Variants in UBE4B observed in about 807,000 individuals in gnomAD.
UBE4B encodes the protein ubiquitination factor E4B.
UBE4B carries 27 observed loss-of-function variants against 148.1 expected under a neutral mutation model. That is an observed-to-expected ratio of 0.18 (90% CI 0.13 to 0.25). The LOEUF (loss-of-function observed/expected upper bound fraction) is 0.25, where lower values mean the gene tolerates loss of function less well. Among genes scored for constraint, UBE4B ranks in the 10% least tolerant of loss-of-function variants. The pLI, the probability that UBE4B is intolerant of heterozygous loss-of-function variation, is 1.00. For missense variants in UBE4B, 1,170 were observed against 1,662.4 expected (o/e 0.70, Z 5.15); for synonymous variants, 596 against 619.3 (o/e 0.96, Z 0.56).
At chr1:10,043,911 A>C (rs961817322) in intron 1 of UBE4B, among the ~76,000 whole-genome samples, 1 of 152,236 alleles carries the variant, frequency 6.6e-6, no homozygotes, top group African/African-American at 2.4e-5. Flanking sequence ...TTACACTTAG[A>C]TTCAGCAATG....
At chr1:10,116,211 C>T (rs1348499810) in intron 7 of UBE4B, among the ~76,000 whole-genome samples, 1 of 152,100 alleles carries the variant, frequency 6.6e-6, no homozygotes, top group East Asian at 1.9e-4. Flanking sequence ...GGCATGATCT[C>T]GGATCACTGC....
chr1:10,112,414 G>A (rs1004490648), intron 7 of UBE4B, among the ~76,000 whole-genome samples: 3 of 151,974 alleles, frequency 2.0e-5, no homozygotes, highest in Admixed American at 2.0e-4. Context: ...GTTTTGTCTT[G>A]TTTTAGACGG....
chr1:10,136,301 C>G (rs1240702154), intron 16 of UBE4B, among the ~76,000 whole-genome samples: 1 of 151,726 alleles, frequency 6.6e-6, no homozygotes, highest in Admixed American at 6.6e-5. Context: ...AAGGAAACCC[C>G]ATGTCTACAA....
At position 10,117,696 on chromosome 1, in the gene UBE4B, A is replaced by G. The variant is rs573462359; in HGVS notation, c.1338+96A>G. 4.3e-6 allele frequency: 6 copies of G among 1,397,066 alleles called. No homozygotes were observed. In the East Asian group the frequency reaches 1.3e-4, roughly 30 times the overall value. The allele number at this position is 1,397,066 out of a possible 1,614,324, so 86.5% of individuals were successfully genotyped here. A position where few individuals can be genotyped will look rare whatever the true frequency, so the allele number is the denominator to read the frequency against. On this transcript the variant is annotated intron_variant, in intron 8 of 27. Transcript: ENST00000343090. ...CATTCATTGATTTATTCAATCAGTA[A>G]AGCAATTATTGAGCATTTGCCATGT...
chr1:10,098,899 A>G (rs1280144942), intron 3 of UBE4B, among the ~76,000 whole-genome samples: 1 of 152,116 alleles, frequency 6.6e-6, no homozygotes. Flanking sequence ...TAAAACAAGT[A>G]AGGATTGGAA....
intron 2 of UBE4B, among the ~76,000 whole-genome samples, chr1:10,088,213 G>A (rs1010496275): frequency 2.0e-5 from 3 of 152,162 alleles, no homozygotes; most frequent in African/African-American, 7.2e-5. Flanking sequence ...ATGATTCTAT[G>A]CATGATTCTG....
chr1:10,100,008 G>GC (rs1376831591), intron 3 of UBE4B, among the ~76,000 whole-genome samples: 1 of 150,888 alleles, frequency 6.6e-6, no homozygotes, highest in African/African-American at 2.4e-5. Flanking sequence ...TTATTTTTTT[G>GC]AGATGGAGTC....
chr1:10,083,992 G>A lies in UBE4B; in HGVS notation c.212-11469G>A, dbSNP rs182416448. 1.2e-3 allele frequency among the ~76,000 whole-genome samples: 177 copies of A among 152,240 alleles called. 1 individual carries two copies. The highest frequency in any genetic ancestry group is 3.4e-3 in the Middle Eastern group (1 of 294). The stretch of plus-strand genomic sequence containing the variant: ...ACACTTCCTGTTTTGACTTGGGGTT[G>A]ATTCTTGCACTTTTCCCTATCCGCA... On this transcript the variant is annotated intron_variant, in intron 2 of 27. Transcript: ENST00000343090.
chr1:10,113,761 G>T lies in UBE4B; in HGVS notation c.1197-3698G>T, dbSNP rs149655242. Among the ~76,000 whole-genome samples the T allele has an allele frequency of 3.3e-5, 5 of 152,138 alleles. No homozygotes were observed. The East Asian group carries it at 9.7e-4, about 29-fold the overall frequency. On this transcript the variant is annotated intron_variant, in intron 7 of 27. Coordinates refer to ENST00000343090, the MANE Select transcript of UBE4B (RefSeq NM_001105562.3). ...GCCTGGCAGCTGGCAAGGACCTATT[G>T]ACATCAAACATAAGATGCTTTTCGG...
At position 10,178,721 on chromosome 1, in the gene UBE4B, A is replaced by T; in HGVS notation, c.3603A>T (p.Ile1201=). 6.2e-7 allele frequency: 1 copy of T among 1,614,010 alleles called. No homozygotes were observed. The highest frequency in any genetic ancestry group is 8.5e-7 in the Non-Finnish European group (1 of 1,179,996). The change falls in exon 26 of 28, where the codon ATA becomes ATT. Residue 1201 remains isoleucine, a synonymous_variant. Coordinates refer to ENST00000343090, the MANE Select transcript of UBE4B (RefSeq NM_001105562.3). ...RKAGIKSTIA[I]EKFKLLAEKV... is the part of the protein sequence containing the mutation. The stretch of plus-strand genomic sequence containing the variant: ...CAGGGATCAAATCCACAATAGCAAT[A>T]GAAAAATTTAAGCTGCTCGCCGAGA...
intron 2 of UBE4B, among the ~76,000 whole-genome samples, chr1:10,073,754 C>T (rs957297970): frequency 1.3e-5 from 2 of 151,926 alleles, no homozygotes; most frequent in Non-Finnish European, 2.9e-5. Flanking sequence ...ACATCAAATT[C>T]ATGATCACAA....
Position 10,117,521 on chromosome 1 carries a change from C to T in UBE4B, c.1259C>T (p.Thr420Ile), listed in dbSNP as rs756845127. ...DSYSDHFTIE[T>I]CKETDMLNYL... ...TACAGTGACCATTTCACCATTGAAA[C>T]CTGCAAAGAGACAGATATGCTGAAC... Residue 420 changes from threonine (T) to isoleucine (I), a missense_variant, in exon 8 of 28, where the codon ACC (threonine) becomes ATC (isoleucine). This residue lies in a region of UBE4B where 388 missense variants were observed against 536.0 expected (regional missense o/e 0.72). Transcript: ENST00000343090. 3 of 1,612,600 alleles carry T rather than the reference C, an allele frequency of 1.9e-6. No homozygotes were observed. The highest frequency in any genetic ancestry group is 1.7e-6 in the Non-Finnish European group (2 of 1,179,636).
chr1:10,150,985 C>T (rs1475821194), intron 20 of UBE4B, among the ~76,000 whole-genome samples: 3 of 150,296 alleles, frequency 2.0e-5, no homozygotes, highest in African/African-American at 7.4e-5. Context: ...CATGGTGAAA[C>T]CCCATCTCTA....
intron 3 of UBE4B, among the ~76,000 whole-genome samples, chr1:10,096,054 A>G (rs991551546): frequency 1.3e-5 from 2 of 152,188 alleles, no homozygotes; most frequent in African/African-American, 4.8e-5. Flanking sequence ...TACAGGTATG[A>G]GCCACTGTGC....
chr1:10,154,113 T>A (rs1429601698), intron 21 of UBE4B, among the ~76,000 whole-genome samples: 2 of 151,480 alleles, frequency 1.3e-5, no homozygotes, highest in Non-Finnish European at 2.9e-5. Context: ...CATGGTGGCA[T>A]GTGCCTGTAG....
intron 25 of UBE4B, among the ~76,000 whole-genome samples, chr1:10,173,660 C>T (rs1271869587): frequency 4.6e-5 from 7 of 152,130 alleles, no homozygotes; most frequent in Non-Finnish European, 7.4e-5. Context: ...CTGTAGCTGG[C>T]GTCTCCAGCC....
chr1:10,086,123 C>T (rs890114189), intron 2 of UBE4B, among the ~76,000 whole-genome samples: 2 of 152,138 alleles, frequency 1.3e-5, no homozygotes, highest in African/African-American at 4.8e-5. Context: ...AGGCGCCCGC[C>T]ACCACGCCAG....
chr1:10,118,219 C>T (rs569138504), intron 8 of UBE4B, among the ~76,000 whole-genome samples: 4 of 152,228 alleles, frequency 2.6e-5, no homozygotes, highest in African/African-American at 4.8e-5. Flanking sequence ...TTTAATTTTA[C>T]GTTAGAAACG....
At chr1:10,169,530 A>G (rs748432785) in intron 24 of UBE4B, among the ~76,000 whole-genome samples, 1 of 152,144 alleles carries the variant, frequency 6.6e-6, no homozygotes, top group Non-Finnish European at 1.5e-5. Flanking sequence ...CTCCCTTAAA[A>G]GTTTGCAAAG....
Sources: gnomAD v4.1 joint callset for allele counts (sites outside exome capture counted in the v4.1 genomes callset) on GRCh38, gnomAD v4.1.1 for gene constraint, gnomAD v4.1.1 regional missense constraint, MANE v1.5 for transcripts, NCBI Gene and HGNC (gene_info 2026-07-23, HGNC 2026-07-21) for gene names.